The following CCDC178 variants were observed in gnomAD, a reference collection of about 807,000 sequenced individuals.
CCDC178 encodes the protein coiled-coil domain containing 178.
Under a neutral mutation model 117.4 loss-of-function variants are expected in CCDC178, and 126 were observed. The observed-to-expected ratio is 1.07, with a 90% CI of 0.93 to 1.24. CCDC178 has a LOEUF of 1.24. CCDC178 is among the 50% of genes most tolerant of loss of function. The pLI is 0.00. For missense variants in CCDC178, 1,030 were observed against 986.9 expected (o/e 1.04, Z -0.59); for synonymous variants, 283 against 313.4 (o/e 0.90, Z 1.02).
intron 21 of CCDC178, among the ~76,000 whole-genome samples, chr18:33,072,989 TG>T (rs1351761109): frequency 2.0e-5 from 3 of 152,158 alleles, no homozygotes; most frequent in African/African-American, 7.2e-5. Flanking sequence ...TTTGGGATTG[TG>T]TCTGACTTGG....
intron 20 of CCDC178, among the ~76,000 whole-genome samples, chr18:33,126,658 T>G (rs992318486): frequency 2.0e-5 from 3 of 151,792 alleles, no homozygotes; most frequent in African/African-American, 4.8e-5. Context: ...ATTTTATTTT[T>G]ACTGTTTATT....
At chr18:33,319,757 T>A (rs527449014) in intron 11 of CCDC178, among the ~76,000 whole-genome samples, 60 of 152,350 alleles carry the variant, frequency 3.9e-4, no homozygotes, top group African/African-American at 1.4e-3. Flanking sequence ...GGTATCTCAT[T>A]GTGGTTTTGA....
At chr18:33,086,006 CAGAT>C (rs900061113) in intron 21 of CCDC178, among the ~76,000 whole-genome samples, 2 of 151,912 alleles carry the variant, frequency 1.3e-5, no homozygotes, top group African/African-American at 4.8e-5. Flanking sequence ...AAATCATTAA[CAGAT>C]AATCCCACAG....
At chr18:33,317,030 T>C (rs1599150947) in intron 11 of CCDC178, among the ~76,000 whole-genome samples, 1 of 152,122 alleles carries the variant, frequency 6.6e-6, no homozygotes, top group African/African-American at 2.4e-5. Flanking sequence ...TAAAATGGAC[T>C]AATCAGCAGG....
intron 21 of CCDC178, among the ~76,000 whole-genome samples, chr18:33,018,349 C>T (rs1052352192): frequency 6.6e-6 from 1 of 151,992 alleles, no homozygotes; most frequent in Non-Finnish European, 1.5e-5. Context: ...GGTGGGAAAA[C>T]ATTCTGGCAG....
In CCDC178 at chr18:32,937,704, C is replaced by A. The variant is rs1052411; in HGVS notation, c.*307G>T. 3.3e-6 allele frequency: 1 copy of A among 307,052 alleles called. No homozygotes were observed. The highest frequency in any genetic ancestry group is 6.1e-6 in the Non-Finnish European group (1 of 164,388). 19.0% of individuals were successfully genotyped at this position (307,052 alleles called of 1,614,324 possible). A position where few individuals can be genotyped will look rare whatever the true frequency, so the allele number is the denominator to read the frequency against. ...AAGCGAACAGTCACTGTCAACACCG[C>A]CAGTAATTATTCTCTCTTCCAATTA... On this transcript the variant is annotated 3_prime_UTR_variant, in exon 23 of 23. Coordinates refer to ENST00000383096, the MANE Select transcript of CCDC178 (RefSeq NM_001105528.4).
intron 21 of CCDC178, among the ~76,000 whole-genome samples, chr18:33,011,503 G>A (rs1312570170): frequency 6.6e-6 from 1 of 151,928 alleles, no homozygotes; most frequent in Non-Finnish European, 1.5e-5. Flanking sequence ...GGATTCCAAT[G>A]GGGAGCCGAG....
intron 17 of CCDC178, 67 bp from the exon 18 acceptor site, chr18:33,223,286 C>A: frequency 7.0e-7 from 1 of 1,436,602 alleles, no homozygotes; most frequent in Non-Finnish European, 9.2e-7. Flanking sequence ...TAGGCCAAAT[C>A]GTACTTAAGT....
chr18:33,059,624 C>T (rs181494455), intron 21 of CCDC178, among the ~76,000 whole-genome samples: 4 of 152,210 alleles, frequency 2.6e-5, no homozygotes, highest in Admixed American at 1.3e-4. Flanking sequence ...TTGTCTTTAC[C>T]TCCTAAATAG....
chr18:33,299,456 G>A (rs2062147756), intron 11 of CCDC178, among the ~76,000 whole-genome samples: 1 of 149,660 alleles, frequency 6.7e-6, no homozygotes, highest in Non-Finnish European at 1.5e-5. Flanking sequence ...AAGTCAACAT[G>A]GATGAAAGAC....
At chr18:32,938,156 T>C (rs1355639004) in intron 22 of CCDC178, 65 bp from the exon 23 acceptor site, 2 of 1,115,466 alleles carry the variant, frequency 1.8e-6, no homozygotes, top group Non-Finnish European at 2.7e-6. Flanking sequence ...CAGAGCATTA[T>C]TATGAAATCA....
chr18:33,192,949 T>A (rs1471712695), intron 20 of CCDC178, among the ~76,000 whole-genome samples: 2 of 140,960 alleles, frequency 1.4e-5, no homozygotes, highest in Admixed American at 7.2e-5. Flanking sequence ...TAAGACTCAG[T>A]GGAAGCAGAG....
At chr18:33,028,965 T>G (rs760466204) in intron 21 of CCDC178, among the ~76,000 whole-genome samples, 2 of 151,894 alleles carry the variant, frequency 1.3e-5, no homozygotes, top group Admixed American at 6.6e-5. Context: ...TCACAAGTTA[T>G]TGGTCTGTAG....
intron 12 of CCDC178, among the ~76,000 whole-genome samples, 171 bp from the exon 13 acceptor site, chr18:33,267,468 A>T (rs1475338669): frequency 1.3e-5 from 2 of 151,894 alleles, no homozygotes; most frequent in Non-Finnish European, 2.9e-5. Flanking sequence ...TAAAGGAGAA[A>T]ATAAGCATGC....
intron 21 of CCDC178, among the ~76,000 whole-genome samples, chr18:33,019,913 ATAT>A (rs35536059): frequency 0.12 from 16,146 of 137,450 alleles, 983 homozygotes; most frequent in African/African-American, 0.13. Flanking sequence ...CTTAACTGAG[ATAT>A]TATTATTATT....
At chr18:33,177,194 G>C (rs988485584) in intron 20 of CCDC178, among the ~76,000 whole-genome samples, 1 of 151,834 alleles carries the variant, frequency 6.6e-6, no homozygotes, top group Admixed American at 6.6e-5. Context: ...ATCACACACC[G>C]GGGGACTGTC....
chr18:33,191,976 T>G (rs2058863729), intron 20 of CCDC178, among the ~76,000 whole-genome samples: 1 of 152,210 alleles, frequency 6.6e-6, no homozygotes, highest in African/African-American at 2.4e-5. Flanking sequence ...AAGTTGCACA[T>G]GTTCTGTTAT....
rs187654304 is a variant in CCDC178, at chr18:33,076,509, G to A, written c.2388+16252C>T. Among the ~76,000 whole-genome samples the A allele has an allele frequency of 3.3e-5, 5 of 152,198 alleles. No individual in the cohort carries two copies. The East Asian group carries it at 9.6e-4, about 29-fold the overall frequency. On this transcript the variant is annotated intron_variant, in intron 21 of 22. Coordinates refer to ENST00000383096, the MANE Select transcript of CCDC178 (RefSeq NM_001105528.4). ...GAGAGTTTCTAATTATCAGCACTCC[G>A]TATCTTCATTTGTTTTTCCAAATGT...
intron 3 of CCDC178, among the ~76,000 whole-genome samples, chr18:33,409,270 A>C (rs1240142380): frequency 6.6e-6 from 1 of 151,954 alleles, no homozygotes; most frequent in Non-Finnish European, 1.5e-5. Flanking sequence ...TTTTTTGTAA[A>C]GACAGGGTTT....
Sources: allele counts gnomAD v4.1 joint callset (sites outside exome capture counted in the v4.1 genomes callset), GRCh38; gene constraint gnomAD v4.1.1; transcripts MANE v1.5; gene names NCBI Gene and HGNC (gene_info 2026-07-23, HGNC 2026-07-21).